Variants in DCLK1 observed in about 807,000 individuals in gnomAD.
The protein encoded by DCLK1 is serine/threonine-protein kinase DCLK1.
A neutral mutation model predicts 86.2 loss-of-function variants in DCLK1; 16 were observed. The ratio of observed to expected loss-of-function variants is 0.19; its 90% CI spans 0.13 to 0.28. The LOEUF is 0.28. DCLK1 is among the 10% of genes least tolerant of loss of function. DCLK1 has a pLI of 1.00. For missense variants in DCLK1, 590 were observed against 940.2 expected (o/e 0.63, Z 4.87); for synonymous variants, 369 against 370.5 (o/e 1.00, Z 0.05).
At chr13:35,954,014 A>G (rs916373248) in intron 3 of DCLK1, among the ~76,000 whole-genome samples, 24 of 152,310 alleles carry the variant, frequency 1.6e-4, no homozygotes, top group African/African-American at 5.1e-4. Context: ...TCACAGAAGT[A>G]AAAACGAATA....
chr13:35,781,087 T>C lies in DCLK1; in HGVS notation c.2059-6388A>G, dbSNP rs571547717. Reference sequence around the variant, plus strand: ...AGACATATGAACTACCCATCTGGTATGTCTAACGTTAAAGGAAAAACATAG... The same window carrying C: ...AGACATATGAACTACCCATCTGGTACGTCTAACGTTAAAGGAAAAACATAG... On this transcript the variant is annotated intron_variant, in intron 16 of 16. Coordinates refer to ENST00000360631, the MANE Select transcript of DCLK1 (RefSeq NM_001330071.2). Among the ~76,000 whole-genome samples, 19 of 152,316 alleles carry C rather than the reference T, an allele frequency of 1.2e-4. No homozygotes were observed. In the South Asian group the frequency reaches 3.9e-3, roughly 32 times the overall value.
At chr13:35,869,251 G>A (rs373091182) in intron 5 of DCLK1, 17 of 400,244 alleles carry the variant, frequency 4.2e-5, no homozygotes, top group African/African-American at 3.1e-4. Context: ...TTCTGTGGAG[G>A]TCCTCTTCTC....
At chr13:36,110,084 T>C (rs57415683) in intron 3 of DCLK1, among the ~76,000 whole-genome samples, 27,819 of 152,172 alleles carry the variant, frequency 0.18, 3,069 homozygotes, top group East Asian at 0.44. Flanking sequence ...TGAGACACTT[T>C]ATAAAAATAT....
intron 4 of DCLK1, among the ~76,000 whole-genome samples, chr13:35,875,245 C>A (rs1872528948): frequency 6.6e-6 from 1 of 152,140 alleles, no homozygotes; most frequent in South Asian, 2.1e-4. Context: ...AGGTTATGAA[C>A]ATTCAGAGGT....
At chr13:36,060,466 A>C (rs1883499679) in intron 3 of DCLK1, among the ~76,000 whole-genome samples, 1 of 152,290 alleles carries the variant, frequency 6.6e-6, no homozygotes, top group Non-Finnish European at 1.5e-5. Context: ...TGAGTATGCA[A>C]ATAGATGTAC....
In DCLK1 at chr13:35,784,951, C is replaced by T. The variant is rs568489304; in HGVS notation, c.2058+8415G>A. Among the ~76,000 whole-genome samples, 34 of 152,222 alleles carry T rather than the reference C, an allele frequency of 2.2e-4. No homozygotes were observed. In the South Asian group the frequency reaches 6.8e-3, roughly 31 times the overall value. ...ACGGAGCAAGATGCGTTTAACTGAC[C>T]CCATTCCTTTTAACAACCGAGCATG... On this transcript the variant is annotated intron_variant, in intron 16 of 16. Coordinates refer to ENST00000360631, the MANE Select transcript of DCLK1 (RefSeq NM_001330071.2).
At chr13:35,844,379 T>C (rs1870028644) in intron 6 of DCLK1, among the ~76,000 whole-genome samples, 1 of 152,206 alleles carries the variant, frequency 6.6e-6, no homozygotes, top group African/African-American at 2.4e-5. Flanking sequence ...ACAAATGCAC[T>C]TAGTTACAAC....
At chr13:35,944,801 A>T (rs1010346243) in intron 4 of DCLK1, among the ~76,000 whole-genome samples, 2 of 152,122 alleles carry the variant, frequency 1.3e-5, no homozygotes, top group African/African-American at 4.8e-5. Flanking sequence ...AAACCACAAA[A>T]GATGGAGAAG....
intron 16 of DCLK1, among the ~76,000 whole-genome samples, chr13:35,789,939 C>T (rs545838573): frequency 6.6e-6 from 1 of 151,724 alleles, no homozygotes; most frequent in Non-Finnish European, 1.5e-5. Context: ...GGGACAATGG[C>T]GTCTCTCTGA....
At chr13:35,973,459 A>C (rs1320964035) in intron 3 of DCLK1, among the ~76,000 whole-genome samples, 3 of 152,146 alleles carry the variant, frequency 2.0e-5, no homozygotes, top group Admixed American at 2.0e-4. Context: ...GATGTGCCTA[A>C]GTCCTCCTAT....
At chr13:35,910,726 T>C (rs540679923) in intron 4 of DCLK1, among the ~76,000 whole-genome samples, 2 of 152,242 alleles carry the variant, frequency 1.3e-5, no homozygotes, top group East Asian at 1.9e-4. Context: ...AACACACTAA[T>C]GTGGTAATGA....
chr13:35,915,461 G>T (rs1875351323), intron 4 of DCLK1, among the ~76,000 whole-genome samples: 1 of 152,190 alleles, frequency 6.6e-6, no homozygotes, highest in Non-Finnish European at 1.5e-5. Flanking sequence ...AGCACTTTGG[G>T]AGACCAAGGC....
chr13:36,091,700 T>C (rs1178625217), intron 3 of DCLK1, among the ~76,000 whole-genome samples: 1 of 152,190 alleles, frequency 6.6e-6, no homozygotes. Flanking sequence ...TAGCCACCAT[T>C]CCTAGCGTGA....
At chr13:36,045,737 A>G (rs1478055796) in intron 3 of DCLK1, among the ~76,000 whole-genome samples, 1 of 151,980 alleles carries the variant, frequency 6.6e-6, no homozygotes, top group Non-Finnish European at 1.5e-5. Context: ...CTGTAGTCCC[A>G]GCTACATTAG....
At position 35,984,954 on chromosome 13, in the gene DCLK1, T is replaced by C. The variant is rs547023066; in HGVS notation, c.724-37497A>G. ...GAGGCCTCCTGGTGTGGCAGTGCCCTGGTCCCAGCAGCACCATAATTGTGT... is the reference window on the plus strand; with the variant it reads ...GAGGCCTCCTGGTGTGGCAGTGCCCCGGTCCCAGCAGCACCATAATTGTGT... On this transcript the variant is annotated intron_variant, in intron 3 of 16. Transcript: ENST00000360631. 7.3e-4 allele frequency among the ~76,000 whole-genome samples: 111 copies of C among 151,970 alleles called. 1 individual carries two copies. The South Asian group carries it at 0.018, about 24-fold the overall frequency.
chr13:35,916,396 G>A (rs980909999), intron 4 of DCLK1, among the ~76,000 whole-genome samples: 3 of 152,094 alleles, frequency 2.0e-5, no homozygotes, highest in African/African-American at 7.2e-5. Context: ...CCTCTAGGCA[G>A]CTCTCTTCCC....
chr13:36,007,968 A>C (rs1437302985), intron 3 of DCLK1, among the ~76,000 whole-genome samples: 1 of 152,024 alleles, frequency 6.6e-6, no homozygotes, highest in Non-Finnish European at 1.5e-5. Flanking sequence ...TATAAAGGCA[A>C]TCCTAAGGAG....
chr13:35,980,554 C>T (rs1218737219), intron 3 of DCLK1, among the ~76,000 whole-genome samples: 1 of 152,162 alleles, frequency 6.6e-6, no homozygotes, highest in Non-Finnish European at 1.5e-5. Context: ...GTAGCCCCTT[C>T]TACTTTCTGT....
intron 3 of DCLK1, among the ~76,000 whole-genome samples, chr13:36,029,873 A>G (rs1231057218): frequency 2.0e-5 from 3 of 152,212 alleles, no homozygotes; most frequent in African/African-American, 4.8e-5. Context: ...AGATATTGTC[A>G]TATGCTTATA....
Sources: allele counts gnomAD v4.1 joint callset (sites outside exome capture counted in the v4.1 genomes callset), GRCh38; gene constraint gnomAD v4.1.1; transcripts MANE v1.5; gene names NCBI Gene and HGNC (gene_info 2026-07-23, HGNC 2026-07-21).